SDK1: variants seen among roughly 807,000 people sequenced by gnomAD.
The protein encoded by SDK1 is protein sidekick-1.
A neutral mutation model predicts 245.5 loss-of-function variants in SDK1; 157 were observed. The ratio of observed to expected loss-of-function variants is 0.64; its 90% confidence interval spans 0.56 to 0.73. The LOEUF is 0.73. SDK1 is among the 30% of genes least tolerant of loss of function. SDK1 has a pLI of 0.00. For missense variants in SDK1, 3,583 were observed against 3,002.3 expected (o/e 1.19, Z -4.52); for synonymous variants, 1,647 against 1,278.5 (o/e 1.29, Z -6.15).
rs923282128 is a variant in SDK1, at chr7:3,504,781, A to G, written c.299-114299A>G. On this transcript the variant is annotated intron_variant, in intron 1 of 44. Coordinates refer to ENST00000404826, the MANE Select transcript of SDK1 (RefSeq NM_152744.4). ...CACTAAAAGCACAAACAACAGAAGG[A>G]AAAAAAAAAAACCATACTTGGCTGG... 1.1e-4 allele frequency among the ~76,000 whole-genome samples: 9 copies of G among 85,698 alleles called. No homozygotes were observed. The South Asian group carries it at 1.7e-3, about 16-fold the overall frequency. 56.2% of individuals were successfully genotyped at this position (85,698 alleles called of 152,430 possible).
intron 17 of SDK1, among the ~76,000 whole-genome samples, chr7:4,042,569 T>A (rs1342178721): frequency 9.8e-6 from 1 of 101,666 alleles, no homozygotes; most frequent in Non-Finnish European, 1.9e-5. Context: ...CCTGTCACGT[T>A]ACCAGCCTGC....
chr7:4,147,814 T>C (rs921803779), intron 29 of SDK1, among the ~76,000 whole-genome samples: 1 of 152,188 alleles, frequency 6.6e-6, no homozygotes. Flanking sequence ...AGCAAACGTT[T>C]TGACTTCTTT....
intron 26 of SDK1, 138 bp downstream of exon 26, chr7:4,127,634 G>C: frequency 1.5e-6 from 1 of 662,050 alleles, no homozygotes; most frequent in South Asian, 1.8e-5. Flanking sequence ...TTTTTATTAA[G>C]ATATTCAGTT....
At chr7:3,733,234 C>A (rs76375076) in intron 4 of SDK1, among the ~76,000 whole-genome samples, 5 of 152,078 alleles carry the variant, frequency 3.3e-5, no homozygotes, top group Non-Finnish European at 7.4e-5. Flanking sequence ...GTCCCTTGAA[C>A]CAAATTTAGT....
chr7:3,771,932 C>T (rs1400836866), intron 4 of SDK1, among the ~76,000 whole-genome samples: 1 of 152,176 alleles, frequency 6.6e-6, no homozygotes, highest in African/African-American at 2.4e-5. Context: ...TTCCTTGAGC[C>T]CTTGGCTGGC....
intron 1 of SDK1, among the ~76,000 whole-genome samples, chr7:3,418,145 G>GAAAAAAAAAAAAAA (rs200914826): frequency 1.5e-4 from 18 of 119,720 alleles, no homozygotes; most frequent in African/African-American, 6.2e-4. Flanking sequence ...TACTAAAAAT[G>GAAAAAAAAAAAAAA]AAAAAAAAAA....
intron 1 of SDK1, among the ~76,000 whole-genome samples, chr7:3,601,844 C>T (rs1266270171): frequency 7.8e-6 from 1 of 128,690 alleles, no homozygotes; most frequent in Non-Finnish European, 1.6e-5. Flanking sequence ...CACCCCACAA[C>T]AGTCCCCAGT....
rs555980859 is a variant in SDK1, at chr7:4,242,835, C to T, written c.6251+922C>T. Among the ~76,000 whole-genome samples the T allele has an allele frequency of 4.6e-5, 7 of 152,320 alleles. No homozygotes were observed. The East Asian group carries it at 1.2e-3, about 25-fold the overall frequency. ...CAGTGTTTGGAGATTCCCTGGGCCG[C>T]CCCCGCCCTCCACTGAATTTGGGAA... On this transcript the variant is annotated intron_variant, in intron 43 of 44. Coordinates refer to ENST00000404826, the MANE Select transcript of SDK1 (RefSeq NM_152744.4).
At chr7:3,779,479 A>T (rs1436749669) in intron 4 of SDK1, among the ~76,000 whole-genome samples, 1 of 152,088 alleles carries the variant, frequency 6.6e-6, no homozygotes, top group African/African-American at 2.4e-5. Flanking sequence ...AAACAAGGAC[A>T]AATTTAACCA....
intron 5 of SDK1, among the ~76,000 whole-genome samples, chr7:3,941,636 C>T (rs550379232): frequency 2.6e-5 from 4 of 152,324 alleles, no homozygotes; most frequent in African/African-American, 4.8e-5. Flanking sequence ...CTGACCTCAA[C>T]GCCACACCCA....
chr7:3,637,401 C>T (rs1782493802), intron 2 of SDK1, among the ~76,000 whole-genome samples: 1 of 152,168 alleles, frequency 6.6e-6, no homozygotes, highest in African/African-American at 2.4e-5. Context: ...CTGGCCTCTC[C>T]TGTATTTTGG....
At chr7:3,935,743 C>T (rs1780137264) in intron 5 of SDK1, among the ~76,000 whole-genome samples, 1 of 152,190 alleles carries the variant, frequency 6.6e-6, no homozygotes, top group Non-Finnish European at 1.5e-5. Flanking sequence ...CAGAAAGTAA[C>T]AAGTGTTGGC....
At chr7:3,415,499 G>C (rs571839861) in intron 1 of SDK1, among the ~76,000 whole-genome samples, 1 of 151,938 alleles carries the variant, frequency 6.6e-6, no homozygotes, top group South Asian at 2.1e-4. Context: ...ACAATGATGA[G>C]TGAATAAGTG....
chr7:3,967,184 G>A, intron 9 of SDK1, 134 bp from the exon 10 acceptor site: 2 of 712,922 alleles, frequency 2.8e-6, no homozygotes, highest in East Asian at 2.5e-5. Context: ...CGTCCCTCCT[G>A]AACAGTATTC....
chr7:3,748,627 G>C (rs1420239375), intron 4 of SDK1, among the ~76,000 whole-genome samples: 2 of 152,154 alleles, frequency 1.3e-5, no homozygotes, highest in African/African-American at 4.8e-5. Flanking sequence ...AGTTGCTTTA[G>C]AAATTCTAAT....
intron 1 of SDK1, among the ~76,000 whole-genome samples, chr7:3,581,001 C>CAAA (rs1562578424): frequency 1.1e-5 from 1 of 94,736 alleles, no homozygotes; most frequent in Non-Finnish European, 2.1e-5. Context: ...AAAACCAAAA[C>CAAA]AAAACCCTGG....
intron 38 of SDK1, among the ~76,000 whole-genome samples, chr7:4,214,481 G>A (rs1178220066): frequency 6.6e-6 from 1 of 152,154 alleles, no homozygotes. Context: ...GATTTTCCTG[G>A]CTTTGCAACC....
At chr7:3,412,414 A>G (rs1318138999) in intron 1 of SDK1, among the ~76,000 whole-genome samples, 4 of 152,156 alleles carry the variant, frequency 2.6e-5, no homozygotes, top group Non-Finnish European at 4.4e-5. Context: ...CTGACTCTCA[A>G]GCAGTTTGTG....
intron 23 of SDK1, among the ~76,000 whole-genome samples, chr7:4,112,614 G>C (rs1287034113): frequency 1.3e-5 from 2 of 152,014 alleles, no homozygotes; most frequent in African/African-American, 4.8e-5. Flanking sequence ...ACTTGAATCA[G>C]GGCAACTGAT....
Sources: gnomAD v4.1 joint callset for allele counts (sites outside exome capture counted in the v4.1 genomes callset) on GRCh38, gnomAD v4.1.1 for gene constraint, MANE v1.5 for transcripts, NCBI Gene and HGNC (gene_info 2026-07-23, HGNC 2026-07-21) for gene names.